Variants in CCNB3 observed in about 807,000 individuals in gnomAD.
The protein encoded by CCNB3 is G2/mitotic-specific cyclin-B3.
A neutral mutation model predicts 68.0 loss-of-function variants in CCNB3; 12 were observed. The ratio of observed to expected loss-of-function variants is 0.18; its 90% confidence interval spans 0.11 to 0.29. The LOEUF is 0.29. Among genes scored for constraint, CCNB3 ranks in the 10% least tolerant of loss-of-function variants. The pLI, the probability that CCNB3 is intolerant of heterozygous loss-of-function variation, is 1.00. For synonymous variants in CCNB3, 354 were observed against 388.9 expected (o/e 0.91, Z 1.06); for missense variants, 904 against 993.1 (o/e 0.91, Z 1.21).
At chrX:50,219,040 T>A (rs1006865739) in intron 1 of CCNB3, among the ~76,000 whole-genome samples, 32 of 112,266 alleles carry the variant, frequency 2.9e-4, no homozygotes, top group African/African-American at 1.0e-3. Flanking sequence ...ATGAGCTTTT[T>A]TTCATATGTT....
intron 1 of CCNB3, among the ~76,000 whole-genome samples, chrX:50,280,138 AAAATATATATAGAATATATAT>A (rs1273201506): frequency 1.5e-4 from 3 of 19,488 alleles, no homozygotes; most frequent in East Asian, 1.2e-3. Flanking sequence ...AATATATGTA[AAAATATATATAGAATATATAT>A]AAATATATAT....
chrX:50,227,763 TA>T (rs1354024211), intron 1 of CCNB3, among the ~76,000 whole-genome samples: 1 of 22,017 alleles, frequency 4.5e-5, no homozygotes, highest in African/African-American at 1.8e-4. Flanking sequence ...AGAATATATA[TA>T]AATATATATA....
intron 9 of CCNB3, among the ~76,000 whole-genome samples, chrX:50,342,604 T>G (rs147731247): frequency 8.0e-4 from 89 of 111,033 alleles, no homozygotes; most frequent in Non-Finnish European, 1.5e-3. Context: ...CCTATTGCAC[T>G]GCAAGTCATA....
chrX:50,312,971 A>G (rs1921547443), intron 7 of CCNB3, among the ~76,000 whole-genome samples: 1 of 110,975 alleles, frequency 9.0e-6, no homozygotes, highest in South Asian at 3.9e-4. Context: ...TCTAATTGCT[A>G]AGAAGACAGT....
intron 5 of CCNB3, among the ~76,000 whole-genome samples, chrX:50,305,781 T>C (rs1462788518): frequency 3.1e-4 from 27 of 87,332 alleles, no homozygotes; most frequent in East Asian, 7.7e-4. Context: ...TCTTTCTTTT[T>C]TTTTTTTTTT....
At chrX:50,296,217 G>A (rs1239141966) in intron 5 of CCNB3, among the ~76,000 whole-genome samples, 1 of 103,560 alleles carries the variant, frequency 9.7e-6, no homozygotes, top group Non-Finnish European at 2.0e-5. Flanking sequence ...TGCCATGTTG[G>A]TGTGCTGCAC....
chrX:50,284,343 T>C, intron 1 of CCNB3, among the ~76,000 whole-genome samples, 199 bp from the exon 2 acceptor site: 2 of 111,458 alleles, frequency 1.8e-5, no homozygotes, highest in Admixed American at 1.9e-4. Flanking sequence ...CTTCTGTCAT[T>C]TGGTGTGAAG....
Position 50,344,716 on chromosome X carries a change from G to A in CCNB3, c.3655-1936G>A, listed in dbSNP as rs782448487. Among the ~76,000 whole-genome samples the A allele has an allele frequency of 8.1e-5, 9 of 111,648 alleles. No homozygotes were observed. In the South Asian group the frequency reaches 1.1e-3, roughly 14 times the overall value. ...GTGCTGGAGACATTTAAGAGAAAAT[G>A]GCGTGATGTTGATGGCAGTGAGTCT... On this transcript the variant is annotated intron_variant, in intron 9 of 12. Transcript: ENST00000376042.
chrX:50,342,234 C>T lies in CCNB3; in HGVS notation c.3549C>T (p.Tyr1183=). 1 of 1,210,293 alleles carries T rather than the reference C, an allele frequency of 8.3e-7. No individual in the cohort carries two copies. Residue 1183 remains tyrosine (Y), a synonymous_variant, in exon 9 of 13, where the codon TAC becomes TAT. Transcript: ENST00000376042. The part of the protein sequence containing the change: ...VSFEMTHETL[Y]LAVKLVDLYL... ...TTGAGATGACCCATGAGACCCTGTA[C>T]TTGGCAGTGAAGCTGGTGGATCTCT...
chrX:50,217,164 T>A (rs940383091), intron 1 of CCNB3, among the ~76,000 whole-genome samples: 7 of 110,564 alleles, frequency 6.3e-5, no homozygotes, highest in Non-Finnish European at 1.1e-4. Flanking sequence ...TGTACCTTTT[T>A]TTTTAATTTG....
intron 8 of CCNB3, among the ~76,000 whole-genome samples, chrX:50,330,742 A>T (rs1159501976): frequency 8.9e-6 from 1 of 112,086 alleles, no homozygotes; most frequent in Admixed American, 9.4e-5. Context: ...TCCATGCCAC[A>T]CTTGCATGGG....
intron 1 of CCNB3, among the ~76,000 whole-genome samples, chrX:50,279,440 A>T (rs1350931347): frequency 6.9e-5 from 5 of 72,246 alleles, no homozygotes; most frequent in Non-Finnish European, 1.3e-4. Context: ...ATAAATATAT[A>T]TATAAATATA....
chrX:50,228,418 T>G (rs1431076144), intron 1 of CCNB3, among the ~76,000 whole-genome samples: 6 of 89,341 alleles, frequency 6.7e-5, no homozygotes, highest in African/African-American at 2.4e-4. Flanking sequence ...GATATATCTA[T>G]GTAGAATATA....
At chrX:50,298,476 T>C (rs1279828858) in intron 5 of CCNB3, among the ~76,000 whole-genome samples, 1 of 112,026 alleles carries the variant, frequency 8.9e-6, no homozygotes, top group Non-Finnish European at 1.9e-5. Flanking sequence ...ATCCCAGGGA[T>C]GAAGCCCACT....
intron 1 of CCNB3, among the ~76,000 whole-genome samples, chrX:50,217,597 A>G (rs908994233): frequency 1.9e-4 from 21 of 110,327 alleles, no homozygotes; most frequent in African/African-American, 6.6e-4. Context: ...GTTGAAGGAT[A>G]TTTTCCCTGG....
intron 8 of CCNB3, among the ~76,000 whole-genome samples, chrX:50,339,657 G>GA (rs1318868561): frequency 1.8e-5 from 2 of 111,822 alleles, no homozygotes; most frequent in African/African-American, 6.5e-5. Context: ...ATAGAGGTTT[G>GA]ATTCACAGAT....
rs782237362 is a variant in CCNB3 at position 50,294,905 on chromosome X, A to G, written c.247A>G (p.Lys83Glu). The stretch of plus-strand genomic sequence containing the variant: ...TGTCCAGCCCAAGAAAGAAGCCAAT[A>G]AAGAGTTTGTAAAAGTTGTTTCCAA... ...QPVQPKKEAN[K>E]EFVKVVSKKI... is the part of the protein sequence containing the mutation. Residue 83 changes from lysine (K) to glutamate (E), a missense_variant, in exon 5 of 13, where the codon AAA becomes GAA. Physicochemically the swap from Lys to Glu is moderately conservative, Grantham distance 56. Around this residue, in one of 2 missense-constraint regions of CCNB3, gnomAD observed 619 missense variants for 609.8 expected, o/e 1.02. Coordinates refer to ENST00000376042, the MANE Select transcript of CCNB3 (RefSeq NM_033031.3). 9.9e-6 allele frequency: 12 copies of G among 1,207,921 alleles called. No individual in the cohort carries two copies. Among genetic ancestry groups the G allele is most frequent in the Non-Finnish European group, 1.2e-5 (11 of 894,033 alleles).
chrX:50,312,534 C>A lies in CCNB3; in HGVS notation c.3328-3C>A. ...ATATGTCTTTTTGGTGATTTCTAAG[C>A]AGATAACCCCACGGGAAGATATTGA... is the stretch of plus-strand genomic sequence containing the variant. On this transcript the variant is annotated splice_region_variant and splice_polypyrimidine_tract_variant and intron_variant, in intron 6 of 12. Transcript: ENST00000376042. 5 of 1,192,445 alleles carry A rather than the reference C, an allele frequency of 4.2e-6. No individual in the cohort carries two copies. The highest frequency in any genetic ancestry group is 5.7e-6 in the Non-Finnish European group (5 of 879,518).
intron 7 of CCNB3, 62 bp downstream of exon 7, chrX:50,312,694 T>A: frequency 1.3e-6 from 1 of 766,645 alleles, no homozygotes; most frequent in Non-Finnish European, 2.0e-6. Flanking sequence ...CATTCCATCC[T>A]TCAGTGTGCA....
Sources: allele counts gnomAD v4.1 joint callset (sites outside exome capture counted in the v4.1 genomes callset), GRCh38; gene constraint gnomAD v4.1.1; regional missense constraint gnomAD v4.1.1; transcripts MANE v1.5; gene names NCBI Gene and HGNC (gene_info 2026-07-23, HGNC 2026-07-21).